The following ARHGAP6 variants were observed in gnomAD, a reference collection of about 807,000 sequenced individuals.
ARHGAP6 encodes the protein Rho GTPase activating protein 6.
A neutral mutation model predicts 55.7 loss-of-function variants in ARHGAP6; 16 were observed. That is an observed-to-expected ratio of 0.29 (90% CI 0.19 to 0.44). The LOEUF (loss-of-function observed/expected upper bound fraction) is 0.44, where lower values mean the gene tolerates loss of function less well. Among genes scored for constraint, ARHGAP6 ranks in the 20% least tolerant of loss-of-function variants. The pLI, the probability that ARHGAP6 is intolerant of heterozygous loss-of-function variation, is 1.00. For synonymous variants in ARHGAP6, 382 were observed against 360.9 expected (o/e 1.06, Z -0.66); for missense variants, 698 against 808.9 (o/e 0.86, Z 1.66).
At chrX:11,252,775 A>G (rs958901962) in intron 2 of ARHGAP6, among the ~76,000 whole-genome samples, 1 of 112,128 alleles carries the variant, frequency 8.9e-6, no homozygotes, top group African/African-American at 3.2e-5. Context: ...GAACTCTGTC[A>G]TAACCTCCAA....
At chrX:11,210,616 A>G (rs1317994006) in intron 2 of ARHGAP6, among the ~76,000 whole-genome samples, 2 of 112,499 alleles carry the variant, frequency 1.8e-5, no homozygotes, top group Non-Finnish European at 3.7e-5. Flanking sequence ...TTGTTACAGC[A>G]TCTTTCACAA....
At chrX:11,288,057 C>T (rs746305524) in intron 1 of ARHGAP6, among the ~76,000 whole-genome samples, 6 of 112,209 alleles carry the variant, frequency 5.3e-5, no homozygotes, top group Non-Finnish European at 1.1e-4. Flanking sequence ...ACTGACCACC[C>T]TATTGAAACG....
chrX:11,537,836 G>A (rs1172608735), intron 1 of ARHGAP6, among the ~76,000 whole-genome samples: 1 of 111,509 alleles, frequency 9.0e-6, no homozygotes, highest in South Asian at 3.7e-4. Flanking sequence ...TGCACACCAT[G>A]TGGTCTCTGG....
At chrX:11,408,326 C>T (rs988484784) in intron 1 of ARHGAP6, among the ~76,000 whole-genome samples, 4 of 111,141 alleles carry the variant, frequency 3.6e-5, no homozygotes, top group Non-Finnish European at 7.5e-5. Context: ...GTTGTATAAG[C>T]CTCACGGGTG....
intron 1 of ARHGAP6, among the ~76,000 whole-genome samples, chrX:11,511,009 T>G (rs2050780486): frequency 8.9e-6 from 1 of 111,782 alleles, no homozygotes; most frequent in Non-Finnish European, 1.9e-5. Context: ...AAAAAGAGCT[T>G]TTTGATTCTC....
intron 1 of ARHGAP6, among the ~76,000 whole-genome samples, chrX:11,324,472 T>C (rs1276533360): frequency 9.4e-6 from 1 of 106,588 alleles, no homozygotes; most frequent in Non-Finnish European, 2.0e-5. Context: ...ACTACAACAA[T>C]GCTCCTGGAT....
At chrX:11,664,200 C>A in intron 1 of ARHGAP6, 41 bp downstream of exon 1, 2 of 1,135,561 alleles carry the variant, frequency 1.8e-6, no homozygotes, top group Non-Finnish European at 2.4e-6. Context: ...TGCCTGGGGG[C>A]CTCCTCCTTG....
chrX:11,441,864 GT>G lies in ARHGAP6; in HGVS notation c.589-187158del, dbSNP rs1209587904. Among the ~76,000 whole-genome samples the G allele has an allele frequency of 1.2e-3, 119 of 100,779 alleles. 1 individual carries two copies. Among genetic ancestry groups the G allele is most frequent in the East Asian group, 2.4e-3 (8 of 3,333 alleles). The allele number at this position is 100,779 out of a possible 115,157, so 87.5% of individuals were successfully genotyped here. ...CCAATTCCTTCTCATCACTTGCCAG[GT>G]TTTTTTTTTTTCCTTTGGAGGATGG... is the stretch of plus-strand genomic sequence containing the variant. On this transcript the variant is annotated intron_variant, in intron 1 of 12. Coordinates refer to ENST00000337414, the MANE Select transcript of ARHGAP6 (RefSeq NM_013427.3).
At chrX:11,281,128 C>T (rs1475499416) in intron 1 of ARHGAP6, among the ~76,000 whole-genome samples, 1 of 111,846 alleles carries the variant, frequency 8.9e-6, no homozygotes, top group Non-Finnish European at 1.9e-5. Flanking sequence ...ACAGATGAAT[C>T]CCAGAGACAT....
In ARHGAP6 at chrX:11,385,180, C is replaced by A. The variant is rs768957543; in HGVS notation, c.589-130473G>T. On this transcript the variant is annotated intron_variant, in intron 1 of 12. Coordinates refer to ENST00000337414, the MANE Select transcript of ARHGAP6 (RefSeq NM_013427.3). ...TTGGTCCAAAATCTCTGACTGAAAA[C>A]CCCCAATTTATAAATTTGAAGTCAC... Among the ~76,000 whole-genome samples, 5 of 111,228 alleles carry A rather than the reference C, an allele frequency of 4.5e-5. No individual in the cohort carries two copies. The East Asian group carries it at 1.4e-3, about 31-fold the overall frequency.
chrX:11,344,698 A>AG (rs1287021138), intron 1 of ARHGAP6, among the ~76,000 whole-genome samples: 1 of 103,647 alleles, frequency 9.6e-6, no homozygotes, highest in African/African-American at 3.6e-5. Flanking sequence ...AAAAAAAAAA[A>AG]AAAAAAGAAA....
At chrX:11,496,485 C>T (rs2050623644) in intron 1 of ARHGAP6, among the ~76,000 whole-genome samples, 1 of 111,826 alleles carries the variant, frequency 8.9e-6, no homozygotes, top group African/African-American at 3.2e-5. Flanking sequence ...AAATGAGGGA[C>T]ATTCACAAAA....
At chrX:11,224,135 C>T (rs2047011941) in intron 2 of ARHGAP6, 1 of 137,253 alleles carries the variant, frequency 7.3e-6, no homozygotes. Flanking sequence ...TAGTTATGGA[C>T]GTTCTCTGAA....
In ARHGAP6 at chrX:11,266,033, CTGTGTGTG is replaced by C. The variant is rs56408947; in HGVS notation, c.589-11334_589-11327del. ...TGCGTGTGTTTGTATGCGTGTGTGC[CTGTGTGTG>C]TGTGTGTGTGTGTGTGTGTGTGTGT... On this transcript the variant is annotated intron_variant, in intron 1 of 12. Coordinates refer to ENST00000337414, the MANE Select transcript of ARHGAP6 (RefSeq NM_013427.3). 634 of 167,959 alleles carry C rather than the reference CTGTGTGTG, an allele frequency of 3.8e-3. 3 individuals carry two copies. Among genetic ancestry groups the C allele is most frequent in the Non-Finnish European group, 4.5e-3 (528 of 118,633 alleles). 13.8% of individuals were successfully genotyped at this position (167,959 alleles called of 1,213,427 possible). A position where few individuals can be genotyped will look rare whatever the true frequency, so the allele number is the denominator to read the frequency against.
At chrX:11,454,109 A>G (rs970962183) in intron 1 of ARHGAP6, among the ~76,000 whole-genome samples, 3 of 81,221 alleles carry the variant, frequency 3.7e-5, no homozygotes, top group Non-Finnish European at 7.0e-5. Context: ...ACGCACGGCT[A>G]ATTTTTTTTT....
chrX:11,265,686 C>A, intron 1 of ARHGAP6: 1 of 865,139 alleles, frequency 1.2e-6, no homozygotes, highest in Non-Finnish European at 1.4e-6. Context: ...TATTGCTTAC[C>A]CATAAATTAT....
At chrX:11,288,055 C>A (rs1348924353) in intron 1 of ARHGAP6, among the ~76,000 whole-genome samples, 2 of 112,181 alleles carry the variant, frequency 1.8e-5, no homozygotes, top group Admixed American at 1.9e-4. Context: ...AAACTGACCA[C>A]CCTATTGAAA....
intron 1 of ARHGAP6, among the ~76,000 whole-genome samples, chrX:11,412,279 G>T (rs1282033636): frequency 9.0e-6 from 1 of 111,531 alleles, no homozygotes; most frequent in Non-Finnish European, 1.9e-5. Flanking sequence ...AAAGCCAAAA[G>T]CTACTAATTC....
chrX:11,164,517 G>A (rs376222612), intron 9 of ARHGAP6, among the ~76,000 whole-genome samples: 25 of 112,142 alleles, frequency 2.2e-4, no homozygotes, highest in African/African-American at 7.8e-4. Context: ...AAGAAAATGC[G>A]ATTTTCATCA....
Sources: gnomAD v4.1 joint callset for allele counts (sites outside exome capture counted in the v4.1 genomes callset) on GRCh38, gnomAD v4.1.1 for gene constraint, MANE v1.5 for transcripts, NCBI Gene and HGNC (gene_info 2026-07-23, HGNC 2026-07-21) for gene names.